RPS6KA2: variants seen among roughly 807,000 people sequenced by gnomAD.
RPS6KA2 encodes the protein ribosomal protein S6 kinase alpha-2.
A neutral mutation model predicts 91.8 loss-of-function variants in RPS6KA2; 42 were observed. That is an observed-to-expected ratio of 0.46 (90% confidence interval 0.36 to 0.59). The LOEUF (loss-of-function observed/expected upper bound fraction) is 0.59. Among genes scored for constraint, RPS6KA2 ranks in the 20% least tolerant of loss-of-function variants. RPS6KA2 has a pLI of 0.00. For missense variants in RPS6KA2, 798 were observed against 978.5 expected (o/e 0.82, Z 2.46); for synonymous variants, 414 against 393.6 (o/e 1.05, Z -0.61).
In RPS6KA2 at chr6:166,855,453, A is replaced by G. The variant is rs9347161; in HGVS notation, c.123+2747T>C. 4.7e-3 allele frequency among the ~76,000 whole-genome samples: 158 copies of G among 33,512 alleles called. 2 individuals carry two copies. Among genetic ancestry groups the G allele is most frequent in the Admixed American group, 0.018 (43 of 2,420 alleles). 22.0% of individuals were successfully genotyped at this position (33,512 alleles called of 152,430 possible). A position where few individuals can be genotyped will look rare whatever the true frequency, so the allele number is the denominator to read the frequency against. On this transcript the variant is annotated intron_variant, in intron 2 of 21. Transcript: ENST00000503859. The stretch of plus-strand genomic sequence containing the variant: ...AGGAAGAAGAGGAAGAAGAAGAGGA[A>G]GAAGAAGAGGAAGAGGAAGAGGAAG...
At chr6:166,594,474 CTTTTT>C (rs1185835058) in intron 1 of RPS6KA2, among the ~76,000 whole-genome samples, 2 of 149,302 alleles carry the variant, frequency 1.3e-5, no homozygotes, top group Non-Finnish European at 3.0e-5. Context: ...TTTTTTTTTT[CTTTTT>C]TGAGACGGAG....
chr6:166,631,760 T>C (rs992620879), upstream of RPS6KA2, among the ~76,000 whole-genome samples: 1 of 152,136 alleles, frequency 6.6e-6, no homozygotes, highest in Non-Finnish European at 1.5e-5. Flanking sequence ...TTTTTCTCTT[T>C]GAGACAGTGG....
chr6:166,498,241 G>A (rs1242541928), intron 8 of RPS6KA2, among the ~76,000 whole-genome samples: 3 of 152,318 alleles, frequency 2.0e-5, no homozygotes, highest in East Asian at 3.9e-4. Context: ...CGCTAAGCCC[G>A]AAGAGCACAA....
chr6:166,569,362 G>A (rs751129736), intron 1 of RPS6KA2, among the ~76,000 whole-genome samples: 4 of 152,220 alleles, frequency 2.6e-5, no homozygotes, highest in Admixed American at 2.0e-4. Context: ...TGCCCTGGCC[G>A]CTTTCCAAGT....
chr6:166,790,238 C>A (rs979439623), intron 2 of RPS6KA2, among the ~76,000 whole-genome samples: 2 of 152,034 alleles, frequency 1.3e-5, no homozygotes, highest in African/African-American at 4.8e-5. Context: ...GGAGCCGATG[C>A]GATCAACTGG....
At chr6:166,771,020 G>T in intron 2 of RPS6KA2, 1 of 879,648 alleles carries the variant, frequency 1.1e-6, no homozygotes, top group Non-Finnish European at 1.7e-6. Flanking sequence ...AGGCCTGTGA[G>T]CTTTTTGTTT....
At chr6:166,532,737 C>T (rs1783328610) in intron 2 of RPS6KA2, among the ~76,000 whole-genome samples, 1 of 152,122 alleles carries the variant, frequency 6.6e-6, no homozygotes, top group Non-Finnish European at 1.5e-5. Flanking sequence ...AAGTCACAGG[C>T]AATTAGAAAG....
Position 166,509,428 on chromosome 6 carries a change from A to G in RPS6KA2, c.379+849T>C, listed in dbSNP as rs188302425. On this transcript the variant is annotated intron_variant, in intron 4 of 20. Coordinates refer to ENST00000265678, the MANE Select transcript of RPS6KA2 (RefSeq NM_021135.6). ...TCTGCAGCCTCCTCTGCCGGGAGGT[A>G]GAGGTTTGCAACTGCGCTGCCCACG... 21 of 170,088 alleles carry G rather than the reference A, an allele frequency of 1.2e-4. No homozygotes were observed. In the Middle Eastern group the frequency reaches 1.6e-3, roughly 13 times the overall value. 10.5% of individuals were successfully genotyped at this position (170,088 alleles called of 1,614,324 possible). A position where few individuals can be genotyped will look rare whatever the true frequency, so the allele number is the denominator to read the frequency against.
At chr6:166,644,542 T>C (rs1368844143) in intron 2 of RPS6KA2, among the ~76,000 whole-genome samples, 1 of 152,234 alleles carries the variant, frequency 6.6e-6, no homozygotes, top group Non-Finnish European at 1.5e-5. Context: ...CCTCCCGGTA[T>C]TCTCAGGGAA....
At chr6:166,550,405 A>G (rs1398634109) in intron 1 of RPS6KA2, among the ~76,000 whole-genome samples, 1 of 152,054 alleles carries the variant, frequency 6.6e-6, no homozygotes, top group Non-Finnish European at 1.5e-5. Context: ...AACAATTTGG[A>G]TATCATTTCT....
At chr6:166,582,911 A>G (rs1022496951) in intron 1 of RPS6KA2, among the ~76,000 whole-genome samples, 1 of 152,246 alleles carries the variant, frequency 6.6e-6, no homozygotes, top group African/African-American at 2.4e-5. Context: ...TGGTAACTTG[A>G]TGTGGATAAT....
At chr6:166,568,791 G>A (rs1784587957) in intron 1 of RPS6KA2, among the ~76,000 whole-genome samples, 2 of 152,248 alleles carry the variant, frequency 1.3e-5, no homozygotes, top group East Asian at 3.9e-4. Flanking sequence ...ACCAGCACAG[G>A]CCCAAAGCCA....
chr6:166,634,661 G>A (rs1787179681), intron 2 of RPS6KA2, among the ~76,000 whole-genome samples: 1 of 152,180 alleles, frequency 6.6e-6, no homozygotes, highest in Admixed American at 6.5e-5. Context: ...ATCTCACTCT[G>A]TCCCCCAGGC....
intron 2 of RPS6KA2, among the ~76,000 whole-genome samples, chr6:166,839,951 T>C (rs1780423759): frequency 6.6e-6 from 1 of 151,586 alleles, no homozygotes; most frequent in Non-Finnish European, 1.5e-5. Context: ...ACCTCTCCAA[T>C]AGGTAATGAG....
In RPS6KA2 at chr6:166,517,455, G is replaced by GT. The variant is rs71032809; in HGVS notation, c.299-7099dup. ...ACCACTTAAGGCGTTCTTTTGTTTT[G>GT]TTTTTTTTTTTTTTTTTTTTTTTTT... On this transcript the variant is annotated intron_variant, in intron 3 of 20. Coordinates refer to ENST00000265678, the MANE Select transcript of RPS6KA2 (RefSeq NM_021135.6). Among the ~76,000 whole-genome samples, 645 of 104,730 alleles carry GT rather than the reference G, an allele frequency of 6.2e-3. 25 individuals carry two copies. The highest frequency in any genetic ancestry group is 9.8e-3 in the Middle Eastern group (2 of 204). 68.7% of individuals were successfully genotyped at this position (104,730 alleles called of 152,430 possible). A position where few individuals can be genotyped will look rare whatever the true frequency, so the allele number is the denominator to read the frequency against.
chr6:166,557,302 C>A lies in RPS6KA2; in HGVS notation c.100-18518G>T, dbSNP rs1381217660. 6.6e-6 allele frequency among the ~76,000 whole-genome samples: 1 copy of A among 152,324 alleles called. No homozygotes were observed. ...GCGGAGCATGCTTCCCAAGAACAGC[C>A]CGCAGGGAAGACGCCCAAAACCTAA... On this transcript the variant is annotated intron_variant, in intron 1 of 20. Coordinates refer to ENST00000265678, the MANE Select transcript of RPS6KA2 (RefSeq NM_021135.6). This position sits in a 1 kb window ranked among gnomAD's most constrained non-coding sequence, Gnocchi z 4.8.
At chr6:166,657,166 T>C (rs1246871778) in intron 2 of RPS6KA2, among the ~76,000 whole-genome samples, 2 of 152,102 alleles carry the variant, frequency 1.3e-5, no homozygotes. Context: ...AAGGAGAACT[T>C]CATCATGGGC....
intron 1 of RPS6KA2, among the ~76,000 whole-genome samples, chr6:166,572,921 C>A (rs1784733056): frequency 1.3e-5 from 2 of 152,266 alleles, no homozygotes. Context: ...TGCAGGAATG[C>A]AGCTCATGAG....
chr6:166,475,665 A>G (rs2128467388), intron 10 of RPS6KA2: 1 of 411,096 alleles, frequency 2.4e-6, no homozygotes, highest in Admixed American at 2.7e-5. Context: ...ACGGGCATTC[A>G]GTACACATTC....
Sources: gnomAD v4.1 joint callset for allele counts (sites outside exome capture counted in the v4.1 genomes callset) on GRCh38, gnomAD v4.1.1 for gene constraint, Gnocchi (gnomAD v3.1) non-coding constraint, MANE v1.5 for transcripts, NCBI Gene and HGNC (gene_info 2026-07-23, HGNC 2026-07-21) for gene names.